Variants in EPHA3 observed in about 807,000 individuals in gnomAD.
EPHA3 encodes ephrin type-A receptor 3.
In EPHA3, 42 loss-of-function variants were observed where a neutral mutation model predicts 107.1. The ratio of observed to expected loss-of-function variants is 0.39; its 90% CI spans 0.31 to 0.51. The LOEUF is 0.51. Among genes scored for constraint, EPHA3 ranks in the 20% least tolerant of loss-of-function variants. The probability of loss-of-function intolerance (pLI) is 0.78; values close to 1 mark genes in which losing one functional copy is unlikely to be tolerated. For missense variants in EPHA3, 1,183 were observed against 1,211.2 expected, an observed-to-expected ratio of 0.98 and a Z score of 0.35; for synonymous variants, 461 against 424.8, an observed-to-expected ratio of 1.09 and a Z score of -1.05.
chr3:89,304,044 T>G (rs1706553498), intron 3 of EPHA3, among the ~76,000 whole-genome samples: 1 of 152,048 alleles, frequency 6.6e-6, no homozygotes, highest in South Asian at 2.1e-4. Context: ...ACTGGCAAAC[T>G]GTTGAAATCT....
At chr3:89,302,318 C>T (rs1706511078) in intron 3 of EPHA3, among the ~76,000 whole-genome samples, 3 of 152,076 alleles carry the variant, frequency 2.0e-5, no homozygotes, top group Non-Finnish European at 4.4e-5. Flanking sequence ...AGTTCCTTTC[C>T]CTTCATTCAT....
chr3:89,171,137 A>T (rs532486989), intron 2 of EPHA3, among the ~76,000 whole-genome samples: 11 of 152,272 alleles, frequency 7.2e-5, no homozygotes, highest in African/African-American at 2.6e-4. Context: ...GTTGTTTCAA[A>T]AACTATATGA....
chr3:89,393,808 AT>A (rs1708792268), intron 5 of EPHA3, among the ~76,000 whole-genome samples: 3 of 152,146 alleles, frequency 2.0e-5, no homozygotes, highest in Admixed American at 1.3e-4. Flanking sequence ...CCACATATCC[AT>A]TTATTTATAA....
intron 2 of EPHA3, among the ~76,000 whole-genome samples, chr3:89,174,836 T>C (rs1185202602): frequency 6.6e-6 from 1 of 151,966 alleles, no homozygotes; most frequent in Non-Finnish European, 1.5e-5. Flanking sequence ...TAAATAATTA[T>C]AAGATGTTTT....
At chr3:89,441,976 C>T (rs1280071599) in intron 13 of EPHA3, among the ~76,000 whole-genome samples, 1 of 152,092 alleles carries the variant, frequency 6.6e-6, no homozygotes, top group Non-Finnish European at 1.5e-5. Flanking sequence ...ATAATGTTTA[C>T]GTTTTTGTAG....
intron 5 of EPHA3, among the ~76,000 whole-genome samples, chr3:89,392,668 GAAAAT>G (rs1190267349): frequency 2.0e-5 from 3 of 151,804 alleles, no homozygotes; most frequent in Non-Finnish European, 2.9e-5. Context: ...AGAATGAAAA[GAAAAT>G]AAATCTGTCA....
At chr3:89,156,866 C>T (rs1704818657) in intron 2 of EPHA3, among the ~76,000 whole-genome samples, 1 of 150,832 alleles carries the variant, frequency 6.6e-6, no homozygotes, top group Admixed American at 6.6e-5. Context: ...CACTCATGTC[C>T]ACTACACATT....
intron 3 of EPHA3, among the ~76,000 whole-genome samples, chr3:89,264,568 G>T (rs181132425): frequency 6.6e-6 from 1 of 151,950 alleles, no homozygotes; most frequent in East Asian, 1.9e-4. Context: ...TCATATAAAC[G>T]TTCATTCTTA....
At chr3:89,118,873 C>A (rs1349174729) in intron 1 of EPHA3, among the ~76,000 whole-genome samples, 1 of 151,742 alleles carries the variant, frequency 6.6e-6, no homozygotes, top group Non-Finnish European at 1.5e-5. Flanking sequence ...ATTGTTATAA[C>A]ATAGATATGA....
In EPHA3 at chr3:89,260,138, C is replaced by G. The variant is rs1430177770; in HGVS notation, c.814+49618C>G. Among the ~76,000 whole-genome samples, 5 of 152,156 alleles carry G rather than the reference C, an allele frequency of 3.3e-5. No individual in the cohort carries two copies. The East Asian group carries it at 9.6e-4, about 29-fold the overall frequency. On this transcript the variant is annotated intron_variant, in intron 3 of 16. Coordinates refer to ENST00000336596, the MANE Select transcript of EPHA3 (RefSeq NM_005233.6). ...CTATTGTGAGTAATGCTGAAATGAA[C>G]ATGAGAGTACAGATATCTTTACAAG...
intron 5 of EPHA3, among the ~76,000 whole-genome samples, chr3:89,363,514 A>G (rs1447792295): frequency 6.6e-6 from 1 of 150,798 alleles, no homozygotes; most frequent in Non-Finnish European, 1.5e-5. Flanking sequence ...CACACACATT[A>G]TTGGAGTACA....
At chr3:89,348,179 C>A (rs1707718909) in intron 5 of EPHA3, among the ~76,000 whole-genome samples, 1 of 134,462 alleles carries the variant, frequency 7.4e-6, no homozygotes, top group African/African-American at 2.8e-5. Context: ...GGAATAGTTT[C>A]AGAAGGAATG....
intron 15 of EPHA3, among the ~76,000 whole-genome samples, chr3:89,451,821 A>G (rs1709996761): frequency 6.6e-6 from 1 of 151,936 alleles, no homozygotes; most frequent in Non-Finnish European, 1.5e-5. Flanking sequence ...GCTGGCGTTC[A>G]ATGCATGGGA....
In EPHA3 at chr3:89,217,137, T is replaced by C. The variant is rs1291312441; in HGVS notation, c.814+6617T>C. Reference sequence around the variant, plus strand: ...CCAGAGTAGAACTTATGAGAGCTAATAAGGGTTTACATTACAGCTCTGACA... The same window carrying C: ...CCAGAGTAGAACTTATGAGAGCTAACAAGGGTTTACATTACAGCTCTGACA... On this transcript the variant is annotated intron_variant, in intron 3 of 16. Coordinates refer to ENST00000336596, the MANE Select transcript of EPHA3 (RefSeq NM_005233.6). 3.9e-5 allele frequency among the ~76,000 whole-genome samples: 6 copies of C among 152,276 alleles called. No homozygotes were observed. The East Asian group carries it at 1.2e-3, about 29-fold the overall frequency.
intron 3 of EPHA3, among the ~76,000 whole-genome samples, chr3:89,236,801 C>T (rs1397259404): frequency 2.0e-5 from 3 of 151,914 alleles, no homozygotes. Flanking sequence ...TTAAAGAAAG[C>T]TACATTTTTT....
chr3:89,311,252 A>T (rs568033447), intron 3 of EPHA3, among the ~76,000 whole-genome samples: 31 of 152,198 alleles, frequency 2.0e-4, no homozygotes, highest in African/African-American at 7.5e-4. Context: ...AAATGAAAGC[A>T]TTTAACGTCA....
chr3:89,458,990 G>A (rs1710159493), intron 15 of EPHA3, among the ~76,000 whole-genome samples: 1 of 152,130 alleles, frequency 6.6e-6, no homozygotes. Context: ...AGAACGCATG[G>A]ACTCAGGGAG....
In EPHA3 at chr3:89,481,271, T is replaced by C. The variant is rs1710616617; in HGVS notation, c.*1769T>C. 4.3e-6 allele frequency: 1 copy of C among 232,310 alleles called. No homozygotes were observed. Among genetic ancestry groups the C allele is most frequent in the East Asian group, 6.1e-5 (1 of 16,388 alleles). The allele number at this position is 232,310 out of a possible 1,614,324, so 14.4% of individuals were successfully genotyped here. A position where few individuals can be genotyped will look rare whatever the true frequency, so the allele number is the denominator to read the frequency against. ...GACTTAGATTGTGCTCCTTCGGATATGATTGTTTCTCAAATCTTGGCAATA... is the reference window on the plus strand; with the variant it reads ...GACTTAGATTGTGCTCCTTCGGATACGATTGTTTCTCAAATCTTGGCAATA... On this transcript the variant is annotated 3_prime_UTR_variant, in exon 17 of 17. Transcript: ENST00000336596.
chr3:89,438,359 C>T (rs930774413), intron 13 of EPHA3, among the ~76,000 whole-genome samples: 2 of 152,194 alleles, frequency 1.3e-5, no homozygotes, highest in African/African-American at 4.8e-5. Flanking sequence ...GATCCGCCAG[C>T]CTCGGCCTCC....
Sources: allele counts gnomAD v4.1 joint callset (sites outside exome capture counted in the v4.1 genomes callset), GRCh38; gene constraint gnomAD v4.1.1; transcripts MANE v1.5; gene names NCBI Gene and HGNC (gene_info 2026-07-23, HGNC 2026-07-21).